Variants in GPRIN3 observed in about 807,000 individuals in gnomAD.
GPRIN3 encodes GPRIN family member 3, also known as G protein-regulated inducer of neurite outgrowth 3.
GPRIN3 carries 12 observed loss-of-function variants against 13.7 expected under a neutral mutation model. The observed-to-expected ratio is 0.87, with a 90% CI of 0.56 to 1.42. GPRIN3 has a LOEUF of 1.42. GPRIN3 is among the 40% of genes most tolerant of loss of function. The pLI is 0.00. For missense variants in GPRIN3, 1,009 were observed against 958.7 expected (o/e 1.05, Z -0.69); for synonymous variants, 377 against 372.7 (o/e 1.01, Z -0.13).
At position 89,248,687 on chromosome 4, in the gene GPRIN3, G is replaced by A. The variant is rs1553949027; in HGVS notation, c.1424C>T (p.Ala475Val). The A allele has an allele frequency of 1.2e-6, 2 of 1,614,162 alleles. No homozygotes were observed. Among genetic ancestry groups the A allele is most frequent in the Non-Finnish European group, 1.7e-6 (2 of 1,180,026 alleles). ...ATAIDQISISACSQAETSYGL... is the reference protein window; with the variant it reads ...ATAIDQISISVCSQAETSYGL... ...ATAACTTGTTTCAGCTTGACTGCATGCACTGATAGAAATCTGGTCAATGGC... is the reference window on the plus strand; with the variant it reads ...ATAACTTGTTTCAGCTTGACTGCATACACTGATAGAAATCTGGTCAATGGC... The change falls in exon 2 of 2, where the codon GCA (alanine) becomes GTA (valine). Residue 475 changes from alanine to valine, a missense_variant. Physicochemically the swap from Ala to Val is moderately conservative, Grantham distance 64. Transcript: ENST00000609438.
rs150320949 is a variant in GPRIN3 at position 89,237,813 on chromosome 4, T to G, written c.*9967A>C. The G allele has an allele frequency of 6.6e-6, 1 of 152,264 alleles. No homozygotes were observed. Among genetic ancestry groups the G allele is most frequent in the African/African-American group, 2.4e-5 (1 of 41,546 alleles). 9.4% of individuals were successfully genotyped at this position (152,264 alleles called of 1,614,324 possible). A position where few individuals can be genotyped will look rare whatever the true frequency, so the allele number is the denominator to read the frequency against. Reference sequence around the variant, plus strand: ...CACAATCAGTCCAGTGAAGCAATATTATGCTAAGAAGGATGTTCTTCTGTT... The same window carrying G: ...CACAATCAGTCCAGTGAAGCAATATGATGCTAAGAAGGATGTTCTTCTGTT... On this transcript the variant is annotated 3_prime_UTR_variant, in exon 2 of 2. Transcript: ENST00000609438.
chr4:89,249,558 C>A lies in GPRIN3; in HGVS notation c.553G>T (p.Val185Leu), dbSNP rs761381998. The A allele has an allele frequency of 6.2e-7, 1 of 1,614,146 alleles. No homozygotes were observed. Among genetic ancestry groups the A allele is most frequent in the Admixed American group, 1.7e-5 (1 of 60,032 alleles). Residue 185 changes from valine to leucine, a missense_variant, in exon 2 of 2, where the codon GTG becomes TTG. Transcript: ENST00000609438. ...GGVLSSSKDQVSCEFPSPETI... is the reference protein window; with the variant it reads ...GGVLSSSKDQLSCEFPSPETI... Reference sequence around the variant, plus strand: ...TCTGGAGAAGGAAACTCACAGGACACCTGATCTTTGCTGCTACTGAGGACG... The same window carrying A: ...TCTGGAGAAGGAAACTCACAGGACAACTGATCTTTGCTGCTACTGAGGACG...
At chr4:89,290,225 C>T (rs1297701661) in intron 1 of GPRIN3, among the ~76,000 whole-genome samples, 1 of 151,936 alleles carries the variant, frequency 6.6e-6, no homozygotes, top group African/African-American at 2.4e-5. Context: ...TTGCGTAGGC[C>T]TCCCAAAGTG....
intron 1 of GPRIN3, among the ~76,000 whole-genome samples, chr4:89,289,690 G>GTT (rs937833752): frequency 3.3e-5 from 5 of 152,164 alleles, no homozygotes; most frequent in Non-Finnish European, 7.3e-5. Context: ...TTTTCCAGGT[G>GTT]TAATAGTCCA....
In GPRIN3 at chr4:89,248,713, G is replaced by A. The variant is rs78583550; in HGVS notation, c.1398C>T (p.Thr466=). The A allele has an allele frequency of 4.7e-4, 757 of 1,614,110 alleles. 3 individuals carry two copies. The African/African-American group carries it at 8.2e-3, about 17-fold the overall frequency. ...CACTGATAGAAATCTGGTCAATGGC[G>A]GTAGCTTTCAGGGAGCTAGAATTAG... The part of the protein sequence containing the change: ...AGTNSSSLKA[T]AIDQISISAC... Residue 466 remains threonine, a synonymous_variant, in exon 2 of 2, where the codon ACC becomes ACT. Transcript: ENST00000609438.
At position 89,242,077 on chromosome 4, in the gene GPRIN3, G is replaced by A. The variant is rs117330918; in HGVS notation, c.*5703C>T. 38 of 152,250 alleles carry A rather than the reference G, an allele frequency of 2.5e-4. No homozygotes were observed. The East Asian group carries it at 7.3e-3, about 29-fold the overall frequency. The allele number at this position is 152,250 out of a possible 1,614,324, so 9.4% of individuals were successfully genotyped here. ...TTTCTAACATCATTAAATCACTGGG[G>A]TATCTCATCATAATTATCACCATGC... On this transcript the variant is annotated 3_prime_UTR_variant, in exon 2 of 2. Transcript: ENST00000609438.
At chr4:89,268,766 C>G (rs1464146343) in intron 1 of GPRIN3, among the ~76,000 whole-genome samples, 1 of 152,136 alleles carries the variant, frequency 6.6e-6, no homozygotes, top group African/African-American at 2.4e-5. Context: ...TTTCCAACCC[C>G]ATGATCAGTG....
chr4:89,302,056 A>C (rs2174325), intron 1 of GPRIN3, among the ~76,000 whole-genome samples: 19,461 of 152,204 alleles, frequency 0.13, 1,695 homozygotes, highest in Non-Finnish European at 0.19. Context: ...AGGCCAAGAA[A>C]TTGTCTTGTC....
At position 89,248,395 on chromosome 4, in the gene GPRIN3, T is replaced by A. The variant is rs760129175; in HGVS notation, c.1716A>T (p.Gly572=). ...LLLNPKSQES[G]GTESAANPTP... ...TAGGATTAGCAGCTGATTCTGTGCC[T>A]CCACTTTCTTGGGATTTAGGATTGA... is the stretch of plus-strand genomic sequence containing the variant. The change falls in exon 2 of 2, where the codon GGA becomes GGT. Residue 572 remains glycine (G), a synonymous_variant. Transcript: ENST00000609438. 2 of 1,614,160 alleles carry A rather than the reference T, an allele frequency of 1.2e-6. No individual in the cohort carries two copies. The highest frequency in any genetic ancestry group is 1.1e-5 in the South Asian group (1 of 91,088).
intron 1 of GPRIN3, among the ~76,000 whole-genome samples, chr4:89,300,931 C>G (rs1364735907): frequency 2.0e-5 from 3 of 152,108 alleles, no homozygotes; most frequent in Admixed American, 6.5e-5. Flanking sequence ...TTAACAATTA[C>G]AATTTTAGCT....
At chr4:89,268,763 C>T (rs1723849357) in intron 1 of GPRIN3, among the ~76,000 whole-genome samples, 1 of 152,172 alleles carries the variant, frequency 6.6e-6, no homozygotes, top group Non-Finnish European at 1.5e-5. Context: ...CTCTTTCCAA[C>T]CCCATGATCA....
At position 89,307,631 on chromosome 4, in the gene GPRIN3, C is replaced by G. The variant is rs920554637; in HGVS notation, c.-140G>C. 2.0e-5 allele frequency: 3 copies of G among 152,378 alleles called. No homozygotes were observed. Among genetic ancestry groups the G allele is most frequent in the African/African-American group, 2.4e-5 (1 of 41,572 alleles). 9.4% of individuals were successfully genotyped at this position (152,378 alleles called of 1,614,324 possible). A position where few individuals can be genotyped will look rare whatever the true frequency, so the allele number is the denominator to read the frequency against. ...GTCTCCTACCTGCTCTGCCCGGCTCCGCGGCGCGGCGGGGCCACTGCCTGC... is the reference window on the plus strand; with the variant it reads ...GTCTCCTACCTGCTCTGCCCGGCTCGGCGGCGCGGCGGGGCCACTGCCTGC... On this transcript the variant is annotated 5_prime_UTR_variant, in exon 1 of 2. Transcript: ENST00000609438.
chr4:89,248,449 A>C lies in GPRIN3; in HGVS notation c.1662T>G (p.Thr554=), dbSNP rs1187522970. The C allele has an allele frequency of 6.2e-7, 1 of 1,613,720 alleles. No homozygotes were observed. The highest frequency in any genetic ancestry group is 2.2e-5 in the East Asian group (1 of 44,866). ...QVVKEKESTG[T]DTSDAKTLLL... is the part of the protein sequence containing the mutation. ...GTAGGGTTTTGGCATCCGAGGTATCAGTGCCAGTAGACTCTTTTTCTTTTA... is the reference window on the plus strand; with the variant it reads ...GTAGGGTTTTGGCATCCGAGGTATCCGTGCCAGTAGACTCTTTTTCTTTTA... The change falls in exon 2 of 2, where the codon ACT becomes ACG. Residue 554 remains threonine, a synonymous_variant. Transcript: ENST00000609438.
chr4:89,247,865 T>C lies in GPRIN3; in HGVS notation c.2246A>G (p.Gln749Arg). ...TSSNKKLRGRQHSVFQSMLQN... is the reference protein window; with the variant it reads ...TSSNKKLRGRRHSVFQSMLQN... ...CAGCATGGACTGGAAAACACTGTGC[T>C]GCCTTCCTCTGAGCTTCTTATTTGA... Residue 749 changes from glutamine to arginine, a missense_variant, in exon 2 of 2, where the codon CAG becomes CGG. Gln to Arg is a conservative substitution (Grantham distance 43). Coordinates refer to ENST00000609438, the MANE Select transcript of GPRIN3 (RefSeq NM_198281.3). The C allele has an allele frequency of 6.2e-7, 1 of 1,614,204 alleles. No homozygotes were observed. Among genetic ancestry groups the C allele is most frequent in the Non-Finnish European group, 8.5e-7 (1 of 1,180,010 alleles).
intron 1 of GPRIN3, among the ~76,000 whole-genome samples, chr4:89,277,006 TG>T (rs1724112902): frequency 6.6e-6 from 1 of 152,196 alleles, no homozygotes; most frequent in African/African-American, 2.4e-5. Context: ...ATAATTTTAA[TG>T]TCTTTTTTTT....
At position 89,247,885 on chromosome 4, in the gene GPRIN3, A is replaced by G; in HGVS notation, c.2226T>C (p.Asn742=). 1 of 1,614,124 alleles carries G rather than the reference A, an allele frequency of 6.2e-7. No individual in the cohort carries two copies. Among genetic ancestry groups the G allele is most frequent in the Non-Finnish European group, 8.5e-7 (1 of 1,179,984 alleles). ...RRSISSDTSS[N]KKLRGRQHSV... ...TGTGCTGCCTTCCTCTGAGCTTCTT[A>G]TTTGAAGAAGTATCTGAGGAAATGG... The change falls in exon 2 of 2, where the codon AAT becomes AAC. Residue 742 remains asparagine (N), a synonymous_variant. Coordinates refer to ENST00000609438, the MANE Select transcript of GPRIN3 (RefSeq NM_198281.3).
In GPRIN3 at chr4:89,241,405, G is replaced by C. The variant is rs1437783832; in HGVS notation, c.*6375C>G. On this transcript the variant is annotated 3_prime_UTR_variant, in exon 2 of 2. Transcript: ENST00000609438. The stretch of plus-strand genomic sequence containing the variant: ...ATAAAAATAGAAAACTGATCACTCA[G>C]ACTGTACACACTCACAGAATGTATT... 1 of 152,120 alleles carries C rather than the reference G, an allele frequency of 6.6e-6. No homozygotes were observed. The highest frequency in any genetic ancestry group is 1.5e-5 in the Non-Finnish European group (1 of 68,018). 9.4% of individuals were successfully genotyped at this position (152,120 alleles called of 1,614,324 possible).
intron 1 of GPRIN3, among the ~76,000 whole-genome samples, chr4:89,285,208 G>T (rs1381358129): frequency 6.6e-6 from 1 of 151,800 alleles, no homozygotes; most frequent in Non-Finnish European, 1.5e-5. Flanking sequence ...GTCGGTTGGG[G>T]GGTCAGGGGG....
At position 89,264,555 on chromosome 4, in the gene GPRIN3, C is replaced by G. The variant is rs185204158; in HGVS notation, c.-123-14322G>C. On this transcript the variant is annotated intron_variant, in intron 1 of 1. Coordinates refer to ENST00000609438, the MANE Select transcript of GPRIN3 (RefSeq NM_198281.3). ...CATACTTGGGGAAGAGAGTTCTAGG[C>G]AGAGGGTGCAGCTAGTGCAAAGGTC... Among the ~76,000 whole-genome samples, 11 of 152,212 alleles carry G rather than the reference C, an allele frequency of 7.2e-5. No homozygotes were observed. The East Asian group carries it at 2.1e-3, about 29-fold the overall frequency.
Sources: allele counts gnomAD v4.1 joint callset (sites outside exome capture counted in the v4.1 genomes callset), GRCh38; gene constraint gnomAD v4.1.1; transcripts MANE v1.5; gene names NCBI Gene and HGNC (gene_info 2026-07-23, HGNC 2026-07-21).